ZNF385C: variants seen among roughly 807,000 people sequenced by gnomAD.
ZNF385C encodes CTD-2132N18.2.
In ZNF385C, 28 loss-of-function variants were observed where a neutral mutation model predicts 35.4. The observed-to-expected ratio is 0.79, with a 90% CI of 0.59 to 1.08. ZNF385C has a LOEUF of 1.08. Ranked by LOEUF, ZNF385C falls within the 50% of genes least tolerant of loss-of-function variation. The probability of loss-of-function intolerance (pLI) is 0.00; values close to 1 mark genes in which losing one functional copy is unlikely to be tolerated. For synonymous variants in ZNF385C, 248 were observed against 248.2 expected (o/e 1.00, Z 0.01); for missense variants, 605 against 595.6 (o/e 1.02, Z -0.16).
chr17:42,062,749 CCAGA>C (rs2053481717), intron 2 of ZNF385C, 54 bp downstream of exon 2: 1 of 499,742 alleles, frequency 2.0e-6, no homozygotes, highest in Non-Finnish European at 3.5e-6. Context: ...TCAGAGGGGC[CCAGA>C]CAGAGATACT....
At chr17:42,042,505 G>C (rs1196464808) in intron 2 of ZNF385C, among the ~76,000 whole-genome samples, 3 of 151,730 alleles carry the variant, frequency 2.0e-5, no homozygotes, top group Non-Finnish European at 4.4e-5. Context: ...CTGGGTGACA[G>C]AGTGAGATTC....
chr17:42,026,829 A>G lies in ZNF385C; in HGVS notation c.*68T>C. On this transcript the variant is annotated 3_prime_UTR_variant, in exon 9 of 9. Transcript: ENST00000692273. ...AGTCCCTGTGGCATGTAGGAAACCA[A>G]GGTGTCTCAGGACAGGAGGAGACAA... is the stretch of plus-strand genomic sequence containing the variant. 2 of 1,435,908 alleles carry G rather than the reference A, an allele frequency of 1.4e-6. No individual in the cohort carries two copies. Among genetic ancestry groups the G allele is most frequent in the East Asian group, 4.9e-5 (2 of 40,522 alleles). 88.9% of individuals were successfully genotyped at this position (1,435,908 alleles called of 1,614,324 possible).
chr17:42,049,046 A>G (rs1376836416), intron 2 of ZNF385C, among the ~76,000 whole-genome samples: 3 of 151,986 alleles, frequency 2.0e-5, no homozygotes, highest in Non-Finnish European at 4.4e-5. Flanking sequence ...GCCCAGGGCT[A>G]CTGACCTCTC....
At chr17:42,078,434 C>T (rs1310979397) in intron 1 of ZNF385C, among the ~76,000 whole-genome samples, 1 of 127,526 alleles carries the variant, frequency 7.8e-6, no homozygotes, top group African/African-American at 3.1e-5. Flanking sequence ...TCAACCAACA[C>T]TCAGATCCTT....
chr17:42,094,542 A>G (rs1439490370), intron 1 of ZNF385C, among the ~76,000 whole-genome samples: 2 of 152,168 alleles, frequency 1.3e-5, no homozygotes, highest in Non-Finnish European at 2.9e-5. Context: ...CTCACAGAAA[A>G]AAGAGCTAGA....
chr17:42,083,200 GT>G (rs1467374067), intron 1 of ZNF385C, among the ~76,000 whole-genome samples: 10 of 151,476 alleles, frequency 6.6e-5, no homozygotes, highest in Admixed American at 4.6e-4. Flanking sequence ...GTGACAAAAT[GT>G]TTTTTTGTTT....
At chr17:42,033,475 G>T (rs962674446) in intron 4 of ZNF385C, among the ~76,000 whole-genome samples, 3 of 152,216 alleles carry the variant, frequency 2.0e-5, no homozygotes, top group Admixed American at 2.0e-4. Flanking sequence ...TCTAGGCCAG[G>T]CGCGGTGGCT....
chr17:42,051,611 T>G (rs2053282436), intron 2 of ZNF385C, among the ~76,000 whole-genome samples: 1 of 151,994 alleles, frequency 6.6e-6, no homozygotes, highest in Admixed American at 6.6e-5. Context: ...TGGAGGCCAT[T>G]CAGAGAGGGG....
intron 5 of ZNF385C, among the ~76,000 whole-genome samples, chr17:42,029,787 A>G (rs1555654803): frequency 6.6e-6 from 1 of 152,112 alleles, no homozygotes; most frequent in African/African-American, 2.4e-5. Context: ...TGATCCCAAC[A>G]CTTTGGGAGG....
intron 3 of ZNF385C, among the ~76,000 whole-genome samples, chr17:42,037,478 T>C (rs1230155383): frequency 5.3e-5 from 8 of 151,812 alleles, no homozygotes; most frequent in African/African-American, 1.9e-4. Context: ...CTACAGGCCC[T>C]TGCAGGCCCA....
At chr17:42,092,472 A>G (rs1189799484) in intron 1 of ZNF385C, among the ~76,000 whole-genome samples, 1 of 152,126 alleles carries the variant, frequency 6.6e-6, no homozygotes, top group East Asian at 1.9e-4. Flanking sequence ...TGTATACTGC[A>G]AAGTTCTGTA....
At chr17:42,047,730 T>G (rs2053196664) in intron 2 of ZNF385C, among the ~76,000 whole-genome samples, 2 of 150,522 alleles carry the variant, frequency 1.3e-5, no homozygotes, top group African/African-American at 4.9e-5. Flanking sequence ...CTCGGCTCAC[T>G]GCAACCTCCG....
chr17:42,061,206 A>ATTTT (rs2053455242), intron 2 of ZNF385C: 1 of 102,368 alleles, frequency 9.8e-6, no homozygotes, highest in African/African-American at 3.8e-5. Context: ...TTAATGAGTT[A>ATTTT]ATTTTTTTTT....
chr17:42,057,925 AGAGT>A, intron 2 of ZNF385C, among the ~76,000 whole-genome samples: 1 of 151,958 alleles, frequency 6.6e-6, no homozygotes, highest in South Asian at 2.1e-4. Flanking sequence ...CCTGGGCAAC[AGAGT>A]GAGACTCTGT....
intron 2 of ZNF385C, among the ~76,000 whole-genome samples, chr17:42,056,132 T>A (rs2053371886): frequency 6.6e-6 from 1 of 152,262 alleles, no homozygotes. Flanking sequence ...CCCTCTTGTG[T>A]CATGTTGCAA....
intron 1 of ZNF385C, among the ~76,000 whole-genome samples, chr17:42,086,869 C>A (rs1382308858): frequency 6.9e-6 from 1 of 145,700 alleles, no homozygotes; most frequent in African/African-American, 2.5e-5. Context: ...GCTCTTGTTG[C>A]CCAGGCTGGA....
intron 4 of ZNF385C, among the ~76,000 whole-genome samples, chr17:42,032,043 T>C (rs2052741787): frequency 6.6e-6 from 1 of 152,034 alleles, no homozygotes; most frequent in Non-Finnish European, 1.5e-5. Context: ...CACATCTTTT[T>C]GTTGTTGTTG....
At position 42,027,635 on chromosome 17, in the gene ZNF385C, C is replaced by T. The variant is rs2052620524; in HGVS notation, c.1258G>A (p.Ala420Thr). The T allele has an allele frequency of 6.3e-7, 1 of 1,590,066 alleles. No homozygotes were observed. The highest frequency in any genetic ancestry group is 1.4e-5 in the African/African-American group (1 of 73,440). ...ACAGATACCTTGAGGATACTCACAG[C>T]CAGCGCTGCGTGCTTCTGCAGCTTG... ...HSKLQKHAALAVSILKSKLAL... is the reference protein window; with the variant it reads ...HSKLQKHAALTVSILKSKLAL... The change falls in exon 8 of 9, where the codon GCT becomes ACT. Residue 420 changes from alanine to threonine, a missense_variant. Physicochemically the swap from Ala to Thr is moderately conservative, Grantham distance 58. Coordinates refer to ENST00000692273, the MANE Select transcript of ZNF385C (RefSeq NM_001392013.1).
At chr17:42,045,185 G>A (rs1434879869) in intron 2 of ZNF385C, among the ~76,000 whole-genome samples, 1 of 152,116 alleles carries the variant, frequency 6.6e-6, no homozygotes, top group Non-Finnish European at 1.5e-5. Context: ...CCAAAGTGCT[G>A]GGATTACAGG....
Sources: gnomAD v4.1 joint callset for allele counts (sites outside exome capture counted in the v4.1 genomes callset) on GRCh38, gnomAD v4.1.1 for gene constraint, MANE v1.5 for transcripts, NCBI Gene and HGNC (gene_info 2026-07-23, HGNC 2026-07-21) for gene names.